The following ALMS1 variants were observed in gnomAD, a reference collection of about 807,000 sequenced individuals.
The protein encoded by ALMS1 is ALMS1 centrosome and basal body associated protein.
ALMS1 carries 271 observed loss-of-function variants against 352.2 expected under a neutral mutation model. The observed-to-expected ratio is 0.77, with a 90% confidence interval of 0.70 to 0.85. The LOEUF is 0.85. Among genes scored for constraint, ALMS1 ranks in the 40% least tolerant of loss-of-function variants. The pLI, the probability that ALMS1 is intolerant of heterozygous loss-of-function variation, is 0.00. For missense variants in ALMS1, 5,445 were observed against 4,870.7 expected (o/e 1.12, Z -3.51); for synonymous variants, 1,865 against 1,761.2 (o/e 1.06, Z -1.48).
chr2:73,430,549 T>C (rs1232017751), intron 6 of ALMS1, among the ~76,000 whole-genome samples: 3 of 152,196 alleles, frequency 2.0e-5, no homozygotes, highest in Non-Finnish European at 2.9e-5. Context: ...TTATATATGG[T>C]CATGCCACAT....
intron 20 of ALMS1, 59 bp downstream of exon 20, chr2:73,602,427 C>T (rs181073947): frequency 6.3e-7 from 1 of 1,585,002 alleles, no homozygotes; most frequent in African/African-American, 1.3e-5. Flanking sequence ...GTCTGCTGCT[C>T]TGCTGCAGAG....
rs1671936799 is a variant in ALMS1, at chr2:73,451,431, G to A, written c.4904G>A (p.Ser1635Asn). The change falls in exon 8 of 23, where the codon AGT (serine) becomes AAT (asparagine). Residue 1635 changes from serine to asparagine, a missense_variant. By Grantham distance (46) the Ser-to-Asn change is conservative. Transcript: ENST00000613296. ...ITFYRQALLD[S>N]PLNKEVVKVS... ...TTCTACCGGCAGGCTCTGCTAGACA[G>A]TCCTCTAAATAAAGAGGTTGTGAAA... The A allele has an allele frequency of 2.5e-6, 4 of 1,613,914 alleles. No individual in the cohort carries two copies. Among genetic ancestry groups the A allele is most frequent in the Middle Eastern group, 3.3e-4 (2 of 6,062 alleles).
intron 9 of ALMS1, 90 bp from the exon 10 acceptor site, chr2:73,489,544 C>A: frequency 1.4e-6 from 2 of 1,430,548 alleles, no homozygotes; most frequent in Non-Finnish European, 2.0e-6. Flanking sequence ...CTAATCTTAG[C>A]GTGGGTATAA....
chr2:73,458,767 G>C (rs551074665), intron 9 of ALMS1: 1 of 152,412 alleles, frequency 6.6e-6, no homozygotes, highest in East Asian at 1.9e-4. Flanking sequence ...TGGAGAGTGA[G>C]AGTGAAAGGG....
rs1675182173 is a variant in ALMS1, at chr2:73,581,682, T to A, written c.11547+8258T>A. On this transcript the variant is annotated intron_variant, in intron 16 of 22. Transcript: ENST00000613296. Reference sequence around the variant, plus strand: ...AGGTCTCTACTCTACCATTTTTGCTTGTCGTTCCCAGGTGGAGTTGTGTGT... The same window carrying A: ...AGGTCTCTACTCTACCATTTTTGCTAGTCGTTCCCAGGTGGAGTTGTGTGT... 2.0e-5 allele frequency among the ~76,000 whole-genome samples: 3 copies of A among 152,294 alleles called. No homozygotes were observed. The South Asian group carries it at 6.2e-4, about 32-fold the overall frequency.
chr2:73,403,913 T>TTTTATTC (rs1670920326), intron 1 of ALMS1, among the ~76,000 whole-genome samples: 1 of 152,206 alleles, frequency 6.6e-6, no homozygotes. Flanking sequence ...TTCTTTTTTC[T>TTTTATTC]TTTTGAGACA....
intron 9 of ALMS1, among the ~76,000 whole-genome samples, chr2:73,487,090 C>T (rs1672864971): frequency 6.6e-6 from 1 of 152,146 alleles, no homozygotes; most frequent in Non-Finnish European, 1.5e-5. Context: ...TCACAGGATC[C>T]TCAGGGTGTC....
intron 2 of ALMS1, among the ~76,000 whole-genome samples, chr2:73,412,938 C>G (rs894025499): frequency 1.3e-5 from 2 of 151,804 alleles, no homozygotes; most frequent in Non-Finnish European, 2.9e-5. Flanking sequence ...TATGAGAGTT[C>G]TGATTGCCCT....
chr2:73,570,512 G>A (rs749267067), intron 15 of ALMS1, among the ~76,000 whole-genome samples: 1 of 152,146 alleles, frequency 6.6e-6, no homozygotes, highest in Non-Finnish European at 1.5e-5. Context: ...GAGAGGTAAA[G>A]GAGAGGAAAA....
chr2:73,583,037 CTTG>C (rs932235266), intron 16 of ALMS1, among the ~76,000 whole-genome samples: 7 of 132,346 alleles, frequency 5.3e-5, no homozygotes, highest in African/African-American at 2.1e-4. Context: ...CTTACCAACA[CTTG>C]TTTTTTTTTT....
In ALMS1 at chr2:73,586,093, C is replaced by T. The variant is rs150866731; in HGVS notation, c.11547+12669C>T. 8.5e-3 allele frequency among the ~76,000 whole-genome samples: 1,292 copies of T among 152,170 alleles called. 16 individuals are homozygous for T. The highest frequency in any genetic ancestry group is 0.027 in the African/African-American group (1,126 of 41,502). ...TATCTTCTTTTGAGAATTGTCTATT[C>T]TTGTCCTTTGCCCACTTTTTGTTGG... On this transcript the variant is annotated intron_variant, in intron 16 of 22. Transcript: ENST00000613296.
intron 10 of ALMS1, among the ~76,000 whole-genome samples, chr2:73,505,172 T>C (rs1224293825): frequency 6.6e-6 from 1 of 152,226 alleles, no homozygotes; most frequent in Non-Finnish European, 1.5e-5. Flanking sequence ...TGAATAATGC[T>C]GCAGTAAACA....
At chr2:73,590,091 A>G (rs1428115100) in intron 16 of ALMS1, among the ~76,000 whole-genome samples, 1 of 151,478 alleles carries the variant, frequency 6.6e-6, no homozygotes, top group Non-Finnish European at 1.5e-5. Flanking sequence ...TTGAACATCT[A>G]GAGTATCTCT....
rs202111717 is a variant in ALMS1 at position 73,448,136 on chromosome 2, C to G, written c.1609C>G (p.Leu537Val). ...ETTTGQHTDTLNQKTLADTHL... is the reference protein window; with the variant it reads ...ETTTGQHTDTVNQKTLADTHL... ...TACTACTGGTCAACACACTGATACT[C>G]TCAACCAAAAGACATTAGCAGATAC... is the stretch of plus-strand genomic sequence containing the variant. The change falls in exon 8 of 23, where the codon CTC becomes GTC. Residue 537 changes from leucine (L) to valine (V), a missense_variant. By Grantham distance (32) the Leu-to-Val change is conservative. Coordinates refer to ENST00000613296, the MANE Select transcript of ALMS1 (RefSeq NM_001378454.1). 6.6e-4 allele frequency: 1,068 copies of G among 1,613,882 alleles called. 2 individuals carry two copies. The highest frequency in any genetic ancestry group is 8.5e-4 in the Non-Finnish European group (1,006 of 1,179,936).
At chr2:73,534,972 A>C in intron 12 of ALMS1, 23 bp downstream of exon 12, 1 of 1,613,194 alleles carries the variant, frequency 6.2e-7, no homozygotes, top group Non-Finnish European at 8.5e-7. Context: ...AATTATTCGA[A>C]GTTTTATTGT....
intron 16 of ALMS1, among the ~76,000 whole-genome samples, chr2:73,589,250 T>A (rs1481858062): frequency 2.0e-5 from 3 of 152,162 alleles, no homozygotes; most frequent in African/African-American, 7.2e-5. Context: ...GAAGGTGAAT[T>A]CCCAAATTTC....
chr2:73,584,029 C>T (rs186296452), intron 16 of ALMS1, among the ~76,000 whole-genome samples: 77 of 152,232 alleles, frequency 5.1e-4, no homozygotes, highest in African/African-American at 1.7e-3. Context: ...CTATGTAATG[C>T]ATGTTTCTTC....
At chr2:73,539,133 C>G (rs1253754739) in intron 12 of ALMS1, among the ~76,000 whole-genome samples, 1 of 152,174 alleles carries the variant, frequency 6.6e-6, no homozygotes, top group Non-Finnish European at 1.5e-5. Flanking sequence ...GAGGCACCCC[C>G]CAGGAGGGGC....
chr2:73,503,029 A>G (rs80327355), intron 10 of ALMS1, among the ~76,000 whole-genome samples: 2,463 of 152,196 alleles, frequency 0.016, 68 homozygotes, highest in African/African-American at 0.056. Context: ...AGAATTAGGA[A>G]ATTCATACTA....
Sources: gnomAD v4.1 joint callset for allele counts (sites outside exome capture counted in the v4.1 genomes callset) on GRCh38, gnomAD v4.1.1 for gene constraint, MANE v1.5 for transcripts, NCBI Gene and HGNC (gene_info 2026-07-23, HGNC 2026-07-21) for gene names.